ASB4: variants seen among roughly 807,000 people sequenced by gnomAD.
The protein encoded by ASB4 is ankyrin repeat and SOCS box containing 4, also known as ankyrin repeat and SOCS box protein 4.
In ASB4, 35 loss-of-function variants were observed where a neutral mutation model predicts 38.6. That is an observed-to-expected ratio of 0.91 (90% CI 0.69 to 1.20). The LOEUF (loss-of-function observed/expected upper bound fraction) is 1.20, where lower values mean the gene tolerates loss of function less well. ASB4 is among the 50% of genes most tolerant of loss of function. The pLI is 0.00. For missense variants in ASB4, 557 were observed against 527.2 expected (o/e 1.06, Z -0.55); for synonymous variants, 195 against 201.3 (o/e 0.97, Z 0.26).
At chr7:95,536,903 T>C (rs967562941) in intron 4 of ASB4, among the ~76,000 whole-genome samples, 6 of 152,152 alleles carry the variant, frequency 3.9e-5, no homozygotes, top group African/African-American at 1.2e-4. Context: ...GTAGATTATT[T>C]CATTTACTTT....
intron 1 of ASB4, among the ~76,000 whole-genome samples, chr7:95,479,327 T>A (rs999236937): frequency 3.9e-5 from 6 of 152,224 alleles, no homozygotes; most frequent in African/African-American, 1.4e-4. Context: ...AGTAATAATA[T>A]GTAACTCTCC....
intron 1 of ASB4, among the ~76,000 whole-genome samples, chr7:95,493,388 GTGTATGTGTGTGTGTGTGTA>G (rs1283016025): frequency 2.1e-5 from 1 of 48,618 alleles, no homozygotes; most frequent in East Asian, 9.9e-4. Flanking sequence ...GTGTGTGTGT[GTGTATGTGTGTGTGTGTGTA>G]TAGCTAGGTT....
In ASB4 at chr7:95,537,698, T is replaced by C; in HGVS notation, c.1220T>C (p.Leu407Pro). 1 of 1,613,962 alleles carries C rather than the reference T, an allele frequency of 6.2e-7. No homozygotes were observed. Among genetic ancestry groups the C allele is most frequent in the Non-Finnish European group, 8.5e-7 (1 of 1,179,872 alleles). Residue 407 changes from leucine (L) to proline (P), a missense_variant, in exon 5 of 5, where the codon CTT becomes CCT. By Grantham distance (98) the Leu-to-Pro change is moderately conservative. Coordinates refer to ENST00000325885, the MANE Select transcript of ASB4 (RefSeq NM_016116.3). ...HNRCHRAIPL[L>P]SLPLSLKKYL... ...AGATGCCATAGAGCAATTCCTTTGC[T>C]TTCCCTCCCATTGTCATTGAAAAAG...
At chr7:95,477,664 C>A (rs774036632), upstream of ASB4, among the ~76,000 whole-genome samples, 11 of 151,256 alleles carry the variant, frequency 7.3e-5, no homozygotes, top group Non-Finnish European at 1.2e-4. Context: ...CAATTTTGTG[C>A]AAACATGTAA....
chr7:95,503,248 G>T (rs1008512038), intron 2 of ASB4, among the ~76,000 whole-genome samples: 1 of 152,144 alleles, frequency 6.6e-6, no homozygotes, highest in South Asian at 2.1e-4. Context: ...AAACAAACCT[G>T]TGAATCAGAT....
At chr7:95,505,629 A>C (rs1395140337) in intron 2 of ASB4, among the ~76,000 whole-genome samples, 1 of 151,974 alleles carries the variant, frequency 6.6e-6, no homozygotes. Context: ...CTTTATGAGA[A>C]TCTATTGATT....
intron 2 of ASB4, among the ~76,000 whole-genome samples, chr7:95,509,117 T>C (rs1790447919): frequency 6.6e-6 from 1 of 152,096 alleles, no homozygotes; most frequent in Non-Finnish European, 1.5e-5. Flanking sequence ...TCAGGAATTT[T>C]TGAGGTGAGG....
chr7:95,537,411 T>G (rs1234969081), intron 4 of ASB4, among the ~76,000 whole-genome samples, 160 bp from the exon 5 acceptor site: 1 of 152,178 alleles, frequency 6.6e-6, no homozygotes, highest in African/African-American at 2.4e-5. Flanking sequence ...TACCACCGCC[T>G]CACTGCTCCC....
At chr7:95,514,795 A>C (rs1434031732) in intron 2 of ASB4, among the ~76,000 whole-genome samples, 1 of 152,230 alleles carries the variant, frequency 6.6e-6, no homozygotes, top group Non-Finnish European at 1.5e-5. Context: ...CCTTTCTGCA[A>C]GAAACAGACA....
At chr7:95,526,371 T>A (rs1411398919) in intron 2 of ASB4, among the ~76,000 whole-genome samples, 1 of 152,206 alleles carries the variant, frequency 6.6e-6, no homozygotes, top group African/African-American at 2.4e-5. Context: ...AGCACAACTC[T>A]ATAAAACTTC....
intron 2 of ASB4, among the ~76,000 whole-genome samples, chr7:95,510,549 A>G (rs1458148212): frequency 6.6e-6 from 1 of 152,228 alleles, no homozygotes; most frequent in Non-Finnish European, 1.5e-5. Flanking sequence ...CTAAACTTAG[A>G]TGTTAGCATT....
intron 2 of ASB4, among the ~76,000 whole-genome samples, chr7:95,525,036 A>G (rs1163504398): frequency 6.6e-6 from 1 of 152,236 alleles, no homozygotes; most frequent in Non-Finnish European, 1.5e-5. Flanking sequence ...TAACCTGGTC[A>G]TGTGACAAGA....
intron 1 of ASB4, among the ~76,000 whole-genome samples, chr7:95,487,906 A>T (rs554202263): frequency 2.5e-4 from 38 of 152,334 alleles, no homozygotes; most frequent in African/African-American, 8.7e-4. Context: ...TTTAGGGTTT[A>T]TGCAGGAAAT....
chr7:95,515,177 C>CTTTCT (rs1303713714), intron 2 of ASB4, among the ~76,000 whole-genome samples: 1 of 90,912 alleles, frequency 1.1e-5, no homozygotes. Flanking sequence ...CTCTTTCTTT[C>CTTTCT]TTTCTTTCTT....
At chr7:95,494,704 A>G (rs1182348503) in intron 1 of ASB4, among the ~76,000 whole-genome samples, 1 of 152,170 alleles carries the variant, frequency 6.6e-6, no homozygotes, top group Non-Finnish European at 1.5e-5. Context: ...TGGCATTGAC[A>G]TAGAAAGAAG....
At position 95,486,023 on chromosome 7, in the gene ASB4, A is replaced by C. The variant is rs1352268552; in HGVS notation, c.52A>C (p.Lys18Gln). Residue 18 changes from lysine (K) to glutamine (Q), a missense_variant, in exon 1 of 5, where the codon AAG becomes CAG. By Grantham distance (53) the Lys-to-Gln change is moderately conservative. Transcript: ENST00000325885. ...TAAATCTGGAGCTGCCAAGTTAGTT[A>C]AGAGAAATTTCCTTGAGGCGCTAAA... ...VTKSGAAKLV[K>Q]RNFLEALKSN... is the part of the protein sequence containing the mutation. The C allele has an allele frequency of 2.5e-6, 4 of 1,614,178 alleles. No individual in the cohort carries two copies. In the South Asian group the frequency reaches 4.4e-5, roughly 18 times the overall value.
At chr7:95,549,937 G>A in the ASB4 span, among the ~76,000 whole-genome samples, 2 of 152,170 alleles carry the variant, frequency 1.3e-5, no homozygotes, top group African/African-American at 2.4e-5. Flanking sequence ...GAGCACTGGT[G>A]TTAATCTGTG....
intron 1 of ASB4, among the ~76,000 whole-genome samples, chr7:95,479,259 C>T (rs1790003940): frequency 6.6e-6 from 1 of 152,148 alleles, no homozygotes; most frequent in Admixed American, 6.5e-5. Context: ...ACCATAACAC[C>T]ACTTAGTATT....
intron 3 of ASB4, among the ~76,000 whole-genome samples, chr7:95,535,775 TA>T (rs1309134062): frequency 6.6e-6 from 1 of 152,196 alleles, no homozygotes; most frequent in Non-Finnish European, 1.5e-5. Context: ...TAATGAAAGG[TA>T]AAATACCAAT....
Sources: allele counts gnomAD v4.1 joint callset (sites outside exome capture counted in the v4.1 genomes callset), GRCh38; gene constraint gnomAD v4.1.1; transcripts MANE v1.5; gene names NCBI Gene and HGNC (gene_info 2026-07-23, HGNC 2026-07-21).